Variants in ABL2 observed in about 807,000 individuals in gnomAD.
The protein encoded by ABL2 is ABL proto-oncogene 2, non-receptor tyrosine kinase, also known as tyrosine-protein kinase ABL2.
In ABL2, 49 loss-of-function variants were observed where a neutral mutation model predicts 107.7. That is an observed-to-expected ratio of 0.45 (90% confidence interval 0.36 to 0.58). ABL2 has a LOEUF of 0.58. ABL2 is among the 20% of genes least tolerant of loss of function. The pLI, the probability that ABL2 is intolerant of heterozygous loss-of-function variation, is 0.00. For missense variants in ABL2, 1,245 were observed against 1,457.0 expected, an observed-to-expected ratio of 0.85 and a Z score of 2.37; for synonymous variants, 549 against 548.6, an observed-to-expected ratio of 1.00 and a Z score of -0.01.
At chr1:179,193,724 G>GT (rs1367293576) in intron 1 of ABL2, among the ~76,000 whole-genome samples, 1 of 150,558 alleles carries the variant, frequency 6.6e-6, no homozygotes, top group Non-Finnish European at 1.5e-5. Context: ...TGTTGCTGTT[G>GT]TATTTTGTTT....
chr1:179,116,008 A>G lies in ABL2; in HGVS notation c.1409-978T>C, dbSNP rs191760505. Among the ~76,000 whole-genome samples, 74 of 152,180 alleles carry G rather than the reference A, an allele frequency of 4.9e-4. 1 individual carries two copies. The highest frequency in any genetic ancestry group is 2.4e-3 in the Admixed American group (37 of 15,292). On this transcript the variant is annotated intron_variant, in intron 8 of 11. Coordinates refer to ENST00000502732, the MANE Select transcript of ABL2 (RefSeq NM_007314.4). ...CCAGATCAATTAGGACAAATTCTAG[A>G]GGAAACCTCATCACACTTCCCTCGA... is the stretch of plus-strand genomic sequence containing the variant.
intron 1 of ABL2, among the ~76,000 whole-genome samples, chr1:179,183,031 T>C (rs1204947511): frequency 1.3e-5 from 2 of 152,154 alleles, no homozygotes; most frequent in Non-Finnish European, 2.9e-5. Flanking sequence ...GTTTTTGTTT[T>C]TGAGACAGTG....
chr1:179,174,108 T>C (rs1312339012), intron 1 of ABL2, among the ~76,000 whole-genome samples: 1 of 151,586 alleles, frequency 6.6e-6, no homozygotes. Flanking sequence ...ACCAACATGG[T>C]GAAACTCTGT....
intron 1 of ABL2, among the ~76,000 whole-genome samples, chr1:179,227,705 T>C (rs1269781329): frequency 6.6e-6 from 1 of 152,156 alleles, no homozygotes; most frequent in Non-Finnish European, 1.5e-5. Context: ...AGCTCATATA[T>C]CACCTTCATA....
rs71108091 is a variant in ABL2, at chr1:179,101,377, C to CTTTTTTTT, written c.*6333_*6340dup. On this transcript the variant is annotated 3_prime_UTR_variant, in exon 12 of 12. Transcript: ENST00000502732. ...ATATTGAGTCAGAAATGAAGGTATCCTTTTTTTTTTTTTTCTTCTTAACGT... is the reference window on the plus strand; with the variant it reads ...ATATTGAGTCAGAAATGAAGGTATCCTTTTTTTTTTTTTTTTTTTTTTCTTCTTAACGT... The CTTTTTTTT allele has an allele frequency of 1.2e-5, 2 of 166,922 alleles. No individual in the cohort carries two copies. The highest frequency in any genetic ancestry group is 1.3e-5 in the Non-Finnish European group (1 of 79,774). The allele number at this position is 166,922 out of a possible 1,614,324, so 10.3% of individuals were successfully genotyped here.
At position 179,117,745 on chromosome 1, in the gene ABL2, TA is replaced by T. The variant is rs28913872; in HGVS notation, c.1224-230del. 1.4e-4 allele frequency among the ~76,000 whole-genome samples: 22 copies of T among 152,302 alleles called. No individual in the cohort carries two copies. In the East Asian group the frequency reaches 2.5e-3, roughly 17 times the overall value. On this transcript the variant is annotated intron_variant, in intron 7 of 11. Transcript: ENST00000502732. ...GCTTTATAAAATGGGTCCCTATTTA[TA>T]AGTACACTGGGATAGGTGAGCAATA...
chr1:179,143,044 T>C (rs1236471593), intron 1 of ABL2: 4 of 1,613,952 alleles, frequency 2.5e-6, no homozygotes, highest in Non-Finnish European at 3.4e-6. Flanking sequence ...CCAAGGACCA[T>C]ACCTCTGCCC....
intron 1 of ABL2, chr1:179,221,978 T>C: frequency 4.4e-6 from 1 of 226,498 alleles, no homozygotes; most frequent in South Asian, 8.2e-5. Context: ...TGGACATTCA[T>C]ATTCCAGAAG....
chr1:179,156,617 G>A (rs1253297797), intron 1 of ABL2, among the ~76,000 whole-genome samples: 1 of 152,134 alleles, frequency 6.6e-6, no homozygotes, highest in Non-Finnish European at 1.5e-5. Context: ...GCTCACACCT[G>A]TAATCCCAGC....
In ABL2 at chr1:179,207,635, T is replaced by C. The variant is rs150047216; in HGVS notation, c.157+21606A>G. 1.5e-3 allele frequency among the ~76,000 whole-genome samples: 226 copies of C among 152,332 alleles called. 1 individual carries two copies. Among genetic ancestry groups the C allele is most frequent in the African/African-American group, 5.2e-3 (217 of 41,574 alleles). ...CCTTAATTCTCATAACTCTATGAGG[T>C]AGGTATTATTAGCATACCTATTTTA... On this transcript the variant is annotated intron_variant, in intron 1 of 11. Transcript: ENST00000502732.
At chr1:179,139,181 G>C (rs539508141) in intron 1 of ABL2, among the ~76,000 whole-genome samples, 2 of 152,242 alleles carry the variant, frequency 1.3e-5, no homozygotes, top group South Asian at 2.1e-4. Flanking sequence ...TCTTGCTACT[G>C]CTCACTCTTT....
intron 1 of ABL2, among the ~76,000 whole-genome samples, chr1:179,136,415 A>T (rs1656986182): frequency 6.6e-6 from 1 of 152,142 alleles, no homozygotes; most frequent in South Asian, 2.1e-4. Flanking sequence ...CTTACCCCCA[A>T]CCCTGTGCTC....
intron 1 of ABL2, chr1:179,221,635 C>G (rs72709493): frequency 0.023 from 4,491 of 191,990 alleles, 98 homozygotes; most frequent in Middle Eastern, 0.056. Context: ...AGGTGGGTAA[C>G]TGAGTTTTGC....
chr1:179,229,632 A>ACGACGC lies in ABL2; in HGVS notation c.-236_-235insGCGTCG. 2.2e-6 allele frequency: 1 copy of ACGACGC among 451,262 alleles called. No homozygotes were observed. Among genetic ancestry groups the ACGACGC allele is most frequent in the South Asian group, 3.3e-5 (1 of 30,176 alleles). 28.0% of individuals were successfully genotyped at this position (451,262 alleles called of 1,614,324 possible). A position where few individuals can be genotyped will look rare whatever the true frequency, so the allele number is the denominator to read the frequency against. Reference sequence around the variant, plus strand: ...CTCCTGTCGCGGCTCCGCGCCCCCAACGCCGCCGCCGCCGCCGCCGCCACC... The same window carrying ACGACGC: ...CTCCTGTCGCGGCTCCGCGCCCCCAACGACGCCGCCGCCGCCGCCGCCGCCGCCACC... On this transcript the variant is annotated 5_prime_UTR_variant, in exon 1 of 12. Transcript: ENST00000502732.
chr1:179,219,403 A>G (rs960000250), intron 1 of ABL2, among the ~76,000 whole-genome samples: 1 of 150,140 alleles, frequency 6.7e-6, no homozygotes, highest in South Asian at 2.1e-4. Context: ...AGAGAAGAAG[A>G]AAAAAAAAGG....
intron 1 of ABL2, chr1:179,221,875 A>G (rs1662886488): frequency 4.3e-6 from 1 of 232,976 alleles, no homozygotes; most frequent in Non-Finnish European, 9.6e-6. Context: ...GGGTTATACA[A>G]TGCCCAAAGA....
At chr1:179,195,287 C>CA (rs991296416) in intron 1 of ABL2, among the ~76,000 whole-genome samples, 8 of 151,274 alleles carry the variant, frequency 5.3e-5, no homozygotes, top group South Asian at 2.1e-4. Flanking sequence ...AACTCTGTCT[C>CA]AAAAAAAACA....
intron 1 of ABL2, 47 bp downstream of exon 1, chr1:179,229,193 AC>A: frequency 2.3e-5 from 7 of 307,218 alleles, no homozygotes; most frequent in Non-Finnish European, 2.6e-5. Context: ...CCCCGACCCC[AC>A]CCCCGGCCTC....
chr1:179,207,223 A>T (rs1662025314), intron 1 of ABL2, among the ~76,000 whole-genome samples: 1 of 151,546 alleles, frequency 6.6e-6, no homozygotes, highest in African/African-American at 2.4e-5. Flanking sequence ...TATCTGAATA[A>T]GAAGGTATTT....
Sources: gnomAD v4.1 joint callset for allele counts (sites outside exome capture counted in the v4.1 genomes callset) on GRCh38, gnomAD v4.1.1 for gene constraint, MANE v1.5 for transcripts, NCBI Gene and HGNC (gene_info 2026-07-23, HGNC 2026-07-21) for gene names.